The following ADGRD1 variants were observed in gnomAD, a reference collection of about 807,000 sequenced individuals.
ADGRD1 encodes adhesion G protein-coupled receptor D1, also known as G-protein coupled receptor 133.
ADGRD1 carries 77 observed loss-of-function variants against 113.4 expected under a neutral mutation model. The observed-to-expected ratio is 0.68, with a 90% CI of 0.57 to 0.82. The LOEUF (loss-of-function observed/expected upper bound fraction) is 0.82, where lower values mean the gene tolerates loss of function less well. Ranked by LOEUF, ADGRD1 falls within the 40% of genes least tolerant of loss-of-function variation. The pLI is 0.00. For missense variants in ADGRD1, 1,036 were observed against 1,139.1 expected (o/e 0.91, Z 1.30); for synonymous variants, 474 against 475.0 (o/e 1.00, Z 0.03).
intron 4 of ADGRD1, chr12:130,978,525 G>A (rs1872588916): frequency 6.6e-6 from 1 of 152,134 alleles, no homozygotes; most frequent in Admixed American, 6.5e-5. Context: ...TTCCTTAAAA[G>A]GCTAATATGG....
At chr12:130,976,256 G>T (rs373536722) in intron 4 of ADGRD1, among the ~76,000 whole-genome samples, 1 of 152,150 alleles carries the variant, frequency 6.6e-6, no homozygotes, top group African/African-American at 2.4e-5. Flanking sequence ...GGGTCAGGGG[G>T]CTTGGAGGCC....
Position 131,138,241 on chromosome 12 carries a change from C to G in ADGRD1, c.2529+12C>G. 2 of 1,608,376 alleles carry G rather than the reference C, an allele frequency of 1.2e-6. No individual in the cohort carries two copies. The highest frequency in any genetic ancestry group is 2.2e-5 in the South Asian group (2 of 90,938). On this transcript the variant is annotated intron_variant, in intron 24 of 24. Transcript: ENST00000261654. Reference sequence around the variant, plus strand: ...TCCACTCGGACCTCGTGAGTGCAGCCTCCATAAACCGAGGGTCCCAGCCCA... The same window carrying G: ...TCCACTCGGACCTCGTGAGTGCAGCGTCCATAAACCGAGGGTCCCAGCCCA...
chr12:131,076,685 A>AT lies in ADGRD1; in HGVS notation c.1474-115dup, dbSNP rs1593171013. 7 of 818,556 alleles carry AT rather than the reference A, an allele frequency of 8.6e-6. No individual in the cohort carries two copies. The East Asian group carries it at 1.7e-4, about 20-fold the overall frequency. 50.7% of individuals were successfully genotyped at this position (818,556 alleles called of 1,614,324 possible). A position where few individuals can be genotyped will look rare whatever the true frequency, so the allele number is the denominator to read the frequency against. ...TGGATGGAGATAGACATCAGTGGCT[A>AT]TGCCTGTCCCTACCTGAGGTCGCCC... On this transcript the variant is annotated intron_variant, in intron 13 of 24. Coordinates refer to ENST00000261654, the MANE Select transcript of ADGRD1 (RefSeq NM_198827.5).
At chr12:130,979,479 T>C (rs2141188) in intron 4 of ADGRD1, among the ~76,000 whole-genome samples, 125,222 of 152,162 alleles carry the variant, frequency 0.82, 52,568 homozygotes, top group East Asian at 0.95. Context: ...ACAGAAAGCA[T>C]GGTGGGCAAT....
intron 13 of ADGRD1, among the ~76,000 whole-genome samples, chr12:131,015,177 G>A (rs1391636035): frequency 6.6e-6 from 1 of 152,268 alleles, no homozygotes; most frequent in African/African-American, 2.4e-5. Context: ...ACCTGGGTGG[G>A]TGCTTCTGTT....
chr12:131,086,009 C>T (rs1312440393), intron 15 of ADGRD1, among the ~76,000 whole-genome samples: 2 of 152,146 alleles, frequency 1.3e-5, no homozygotes, highest in Non-Finnish European at 1.5e-5. Flanking sequence ...CTGATCACAG[C>T]AGCTCCCGGG....
intron 15 of ADGRD1, among the ~76,000 whole-genome samples, chr12:131,101,377 C>CTTTCCTTTTTTTTTT (rs1950076237): frequency 2.8e-5 from 1 of 36,132 alleles, no homozygotes; most frequent in African/African-American, 9.2e-5. Flanking sequence ...TTCTTTCTTT[C>CTTTCCTTTTTTTTTT]TTTTTTTTTT....
chr12:131,002,755 T>C, intron 9 of ADGRD1: 1 of 1,257,502 alleles, frequency 8.0e-7, no homozygotes, highest in Non-Finnish European at 1.0e-6. Flanking sequence ...CCACCCTTCA[T>C]GGAGAAGGGG....
At position 131,084,797 on chromosome 12, in the gene ADGRD1, A is replaced by T; in HGVS notation, c.1671+134A>T. On this transcript the variant is annotated intron_variant, in intron 15 of 24. Coordinates refer to ENST00000261654, the MANE Select transcript of ADGRD1 (RefSeq NM_198827.5). The surrounding 1 kb of genome is among the most constrained non-coding windows in gnomAD (Gnocchi z 4.5). The stretch of plus-strand genomic sequence containing the variant: ...TACTCCATGGGGCCTGTGTTTACAG[A>T]CGGAATCCATTCTCTTGGCTTCTGT... 1.0e-6 allele frequency: 1 copy of T among 954,258 alleles called. No individual in the cohort carries two copies. The highest frequency in any genetic ancestry group is 1.6e-6 in the Non-Finnish European group (1 of 633,986). The allele number at this position is 954,258 out of a possible 1,614,324, so 59.1% of individuals were successfully genotyped here. A position where few individuals can be genotyped will look rare whatever the true frequency, so the allele number is the denominator to read the frequency against.
At chr12:131,004,146 C>A in intron 10 of ADGRD1, 40 bp from the exon 11 acceptor site, 1 of 1,300,052 alleles carries the variant, frequency 7.7e-7, no homozygotes, top group Non-Finnish European at 1.1e-6. Flanking sequence ...AGCCTGTGAG[C>A]TCTGACGGGA....
At chr12:131,130,946 T>G (rs2136093782) in intron 20 of ADGRD1, among the ~76,000 whole-genome samples, 1 of 152,320 alleles carries the variant, frequency 6.6e-6, no homozygotes, top group South Asian at 2.1e-4. Flanking sequence ...CACAGAGGAC[T>G]TTATCCTGGA....
In ADGRD1 at chr12:131,021,048, A is replaced by G. The variant is rs12229785; in HGVS notation, c.1473+6708A>G. The stretch of plus-strand genomic sequence containing the variant: ...AGGAGGTCAACAGTTTACAACCTCA[A>G]TGTTTTAAGCTTTTTATTCTGAAAT... On this transcript the variant is annotated intron_variant, in intron 13 of 24. Transcript: ENST00000261654. Among the ~76,000 whole-genome samples the G allele has an allele frequency of 5.2e-3, 790 of 151,812 alleles. 12 individuals carry two copies. The highest frequency in any genetic ancestry group is 0.036 in the Admixed American group (542 of 15,246).
At chr12:131,112,265 C>G (rs371975082) in intron 18 of ADGRD1, among the ~76,000 whole-genome samples, 1 of 152,166 alleles carries the variant, frequency 6.6e-6, no homozygotes, top group East Asian at 1.9e-4. Context: ...CTTTCCATGG[C>G]CTCTCTCTCA....
Position 131,084,505 on chromosome 12 carries a change from G to GCTA in ADGRD1, c.1548-33_1548-31dup. On this transcript the variant is annotated intron_variant, in intron 14 of 24. Transcript: ENST00000261654. The surrounding 1 kb of genome is among the most constrained non-coding windows in gnomAD (Gnocchi z 4.5). Reference sequence around the variant, plus strand: ...GTCCCCTGCCTGCCAAGGGTGCGGTGCTACCTCCTCTGATCCTTTCTCCTG... The same window carrying GCTA: ...GTCCCCTGCCTGCCAAGGGTGCGGTGCTACTACCTCCTCTGATCCTTTCTCCTG... 6.2e-7 allele frequency: 1 copy of GCTA among 1,613,382 alleles called. No individual in the cohort carries two copies. The highest frequency in any genetic ancestry group is 8.5e-7 in the Non-Finnish European group (1 of 1,179,802).
intron 13 of ADGRD1, among the ~76,000 whole-genome samples, chr12:131,054,751 G>A (rs1009522899): frequency 6.6e-6 from 1 of 152,300 alleles, no homozygotes; most frequent in East Asian, 1.9e-4. Flanking sequence ...CAGGGTCTCT[G>A]CCGGGTCTTG....
At chr12:131,071,262 C>T (rs1376021882) in intron 13 of ADGRD1, among the ~76,000 whole-genome samples, 1 of 120,924 alleles carries the variant, frequency 8.3e-6, no homozygotes, top group Non-Finnish European at 1.7e-5. Context: ...GAGCCATGTA[C>T]AAGGAGGTGG....
At position 131,003,861 on chromosome 12, in the gene ADGRD1, G is replaced by A. The variant is rs1356527162; in HGVS notation, c.1145-325G>A. ...CGCCTGCTGCGCTTGGGGAGGAGCCGATGTCACCGCATCGCTGAGCACAGC... is the reference window on the plus strand; with the variant it reads ...CGCCTGCTGCGCTTGGGGAGGAGCCAATGTCACCGCATCGCTGAGCACAGC... On this transcript the variant is annotated intron_variant, in intron 10 of 24. Coordinates refer to ENST00000261654, the MANE Select transcript of ADGRD1 (RefSeq NM_198827.5). This position sits in a 1 kb window ranked among gnomAD's most constrained non-coding sequence, Gnocchi z 4.8. 6.6e-6 allele frequency among the ~76,000 whole-genome samples: 1 copy of A among 152,162 alleles called. No individual in the cohort carries two copies. Among genetic ancestry groups the A allele is most frequent in the Non-Finnish European group, 1.5e-5 (1 of 68,038 alleles).
chr12:130,996,648 G>A (rs1279789523), intron 8 of ADGRD1, among the ~76,000 whole-genome samples: 2 of 102,444 alleles, frequency 2.0e-5, no homozygotes, highest in Non-Finnish European at 4.3e-5. Flanking sequence ...GCGGCTGGCC[G>A]GGCGGGGGGC....
intron 2 of ADGRD1, among the ~76,000 whole-genome samples, chr12:130,955,501 C>G (rs1159434200): frequency 7.9e-5 from 12 of 152,178 alleles, no homozygotes; most frequent in African/African-American, 2.9e-4. Context: ...GGCACACACC[C>G]TTCGCTGTTA....
Sources: gnomAD v4.1 joint callset for allele counts (sites outside exome capture counted in the v4.1 genomes callset) on GRCh38, gnomAD v4.1.1 for gene constraint, Gnocchi (gnomAD v3.1) non-coding constraint, MANE v1.5 for transcripts, NCBI Gene and HGNC (gene_info 2026-07-23, HGNC 2026-07-21) for gene names.